Variants in TMEM132D observed in about 807,000 individuals in gnomAD.
The protein encoded by TMEM132D is mature OL transmembrane protein.
In TMEM132D, 21 loss-of-function variants were observed where a neutral mutation model predicts 62.3. The ratio of observed to expected loss-of-function variants is 0.34; its 90% CI spans 0.24 to 0.49. The LOEUF (loss-of-function observed/expected upper bound fraction) is 0.49, where lower values mean the gene tolerates loss of function less well. TMEM132D is among the 20% of genes least tolerant of loss of function. The pLI, the probability that TMEM132D is intolerant of heterozygous loss-of-function variation, is 0.99. For missense variants in TMEM132D, 1,346 were observed against 1,402.8 expected (o/e 0.96, Z 0.65); for synonymous variants, 621 against 575.6 (o/e 1.08, Z -1.13).
At chr12:129,421,055 G>T (rs946694176) in intron 3 of TMEM132D, among the ~76,000 whole-genome samples, 5 of 149,798 alleles carry the variant, frequency 3.3e-5, no homozygotes, top group African/African-American at 1.2e-4. Context: ...TCTGCCTCCC[G>T]GGTTCAAGAG....
chr12:129,263,634 G>C (rs892346925), intron 4 of TMEM132D, among the ~76,000 whole-genome samples: 1 of 152,134 alleles, frequency 6.6e-6, no homozygotes, highest in Admixed American at 6.5e-5. Context: ...GGCATATAGA[G>C]AGGGAGGGAG....
intron 1 of TMEM132D, among the ~76,000 whole-genome samples, chr12:129,889,108 A>G (rs539552095): frequency 7.9e-5 from 12 of 152,338 alleles, no homozygotes; most frequent in African/African-American, 2.9e-4. Flanking sequence ...GAGTGTCTGA[A>G]TAGAACACAG....
At chr12:129,778,846 C>T (rs149063583) in intron 1 of TMEM132D, among the ~76,000 whole-genome samples, 1,750 of 152,264 alleles carry the variant, frequency 0.011, 22 homozygotes, top group Middle Eastern at 0.031. Flanking sequence ...TTAGCCACTT[C>T]TGGACTTTTC....
chr12:129,647,295 T>A (rs1879812683), intron 2 of TMEM132D, among the ~76,000 whole-genome samples: 1 of 150,132 alleles, frequency 6.7e-6, no homozygotes. Context: ...AGCTCTAGTT[T>A]ATTTATTTTA....
intron 4 of TMEM132D, among the ~76,000 whole-genome samples, chr12:129,302,395 G>T (rs190878898): frequency 3.1e-3 from 468 of 152,378 alleles, no homozygotes; most frequent in Non-Finnish European, 5.6e-3. Flanking sequence ...GATTACAGGC[G>T]TGAGCCACCA....
chr12:129,430,557 A>G (rs1872627657), intron 3 of TMEM132D, among the ~76,000 whole-genome samples: 1 of 151,842 alleles, frequency 6.6e-6, no homozygotes, highest in Admixed American at 6.6e-5. Flanking sequence ...CCTGCCTGGA[A>G]CTCCCAAAGA....
chr12:129,184,711 C>G (rs1227367913), intron 5 of TMEM132D, among the ~76,000 whole-genome samples: 1 of 152,258 alleles, frequency 6.6e-6, no homozygotes, highest in Non-Finnish European at 1.5e-5. Flanking sequence ...GTTCCTGTCT[C>G]TTCCCGGTTG....
intron 4 of TMEM132D, among the ~76,000 whole-genome samples, chr12:129,233,217 G>A (rs932231478): frequency 6.6e-5 from 10 of 152,222 alleles, no homozygotes; most frequent in Admixed American, 2.6e-4. Context: ...ATATGAGGGA[G>A]GGGGCCCTGT....
chr12:129,125,514 T>C (rs1044507443), intron 5 of TMEM132D, among the ~76,000 whole-genome samples: 13 of 150,816 alleles, frequency 8.6e-5, no homozygotes, highest in Non-Finnish European at 1.5e-4. Context: ...TTTTTTTTTT[T>C]TTTTTTTTGA....
chr12:129,776,788 CAAAAA>C (rs148740560), intron 1 of TMEM132D, among the ~76,000 whole-genome samples: 19 of 68,466 alleles, frequency 2.8e-4, no homozygotes, highest in African/African-American at 7.7e-4. Flanking sequence ...TAATGGGCTT[CAAAAA>C]AAAAAAAAAA....
intron 2 of TMEM132D, among the ~76,000 whole-genome samples, chr12:129,655,566 T>C (rs144445528): frequency 1.3e-5 from 2 of 151,986 alleles, no homozygotes; most frequent in Non-Finnish European, 2.9e-5. Flanking sequence ...CTTTTCTACT[T>C]ACCCTTCGTG....
Position 129,663,284 on chromosome 12 carries a change from A to T in TMEM132D, c.968+36526T>A, listed in dbSNP as rs577775477. Reference sequence around the variant, plus strand: ...CTGCCGAGTAGCTGGCATTACAGGCATGTGCCACCACGTCCAGCTAATTTT... The same window carrying T: ...CTGCCGAGTAGCTGGCATTACAGGCTTGTGCCACCACGTCCAGCTAATTTT... On this transcript the variant is annotated intron_variant, in intron 2 of 8. Coordinates refer to ENST00000422113, the MANE Select transcript of TMEM132D (RefSeq NM_133448.3). 3.9e-5 allele frequency among the ~76,000 whole-genome samples: 6 copies of T among 152,300 alleles called. No individual in the cohort carries two copies. The East Asian group carries it at 1.2e-3, about 29-fold the overall frequency.
intron 3 of TMEM132D, among the ~76,000 whole-genome samples, chr12:129,413,856 G>T (rs2135707162): frequency 6.6e-6 from 1 of 152,302 alleles, no homozygotes; most frequent in African/African-American, 2.4e-5. Context: ...TTCCTTTCAT[G>T]AAAAGTCATA....
intron 5 of TMEM132D, among the ~76,000 whole-genome samples, chr12:129,092,819 ATATC>A (rs1411850861): frequency 1.3e-5 from 2 of 152,202 alleles, no homozygotes; most frequent in African/African-American, 4.8e-5. Flanking sequence ...TCCTCACAAC[ATATC>A]TATTAGATTG....
intron 1 of TMEM132D, among the ~76,000 whole-genome samples, chr12:129,829,011 C>A (rs1188603598): frequency 6.6e-6 from 1 of 151,836 alleles, no homozygotes; most frequent in East Asian, 2.0e-4. Flanking sequence ...GTGTGAATCT[C>A]CAACACCACT....
intron 1 of TMEM132D, among the ~76,000 whole-genome samples, chr12:129,901,933 G>T (rs139947278): frequency 6.6e-6 from 1 of 151,438 alleles, no homozygotes; most frequent in African/African-American, 2.4e-5. Context: ...CCTCACGTCT[G>T]CCTGAGTCAG....
chr12:129,556,175 G>A (rs926031017), intron 2 of TMEM132D, among the ~76,000 whole-genome samples: 2 of 152,046 alleles, frequency 1.3e-5, no homozygotes, highest in Non-Finnish European at 2.9e-5. Flanking sequence ...CAGGTGCAAG[G>A]CTTTGGGAAG....
chr12:129,807,007 C>T (rs1281506737), intron 1 of TMEM132D, among the ~76,000 whole-genome samples: 2 of 152,040 alleles, frequency 1.3e-5, no homozygotes, highest in African/African-American at 4.8e-5. Flanking sequence ...GCACTTCAGC[C>T]TGGGCAACAG....
intron 2 of TMEM132D, among the ~76,000 whole-genome samples, chr12:129,612,421 AT>A (rs1330866671): frequency 6.6e-6 from 1 of 152,166 alleles, no homozygotes; most frequent in African/African-American, 2.4e-5. Context: ...GGGACCAAGA[AT>A]TGTTTCACAT....
Sources: gnomAD v4.1 joint callset for allele counts (sites outside exome capture counted in the v4.1 genomes callset) on GRCh38, gnomAD v4.1.1 for gene constraint, MANE v1.5 for transcripts, NCBI Gene and HGNC (gene_info 2026-07-23, HGNC 2026-07-21) for gene names.